The following OR2G6 variants were observed in gnomAD, a reference collection of about 807,000 sequenced individuals.
OR2G6 encodes olfactory receptor 2G6.
For synonymous variants in OR2G6, 183 were observed against 155.2 expected, an observed-to-expected ratio of 1.18 and a Z score of -1.33; for missense variants, 457 against 391.3, an observed-to-expected ratio of 1.17 and a Z score of -1.42.
At position 248,522,262 on chromosome 1, in the gene OR2G6, T is replaced by G. The variant is rs1664306757; in HGVS notation, c.616T>G (p.Phe206Val). ...EAELFVASVV[F>V]LIVPVLLILV... ...AGAACTCTTTGTGGCCAGTGTAGTC[T>G]TTCTAATTGTCCCGGTGTTACTCAT... The change falls in exon 2 of 2, where the codon TTT (phenylalanine) becomes GTT (valine). Residue 206 changes from phenylalanine (F) to valine (V), a missense_variant. Phe to Val is a conservative substitution (Grantham distance 50). Coordinates refer to ENST00000641804, the MANE Select transcript of OR2G6 (RefSeq NM_001013355.2). 1 of 1,614,144 alleles carries G rather than the reference T, an allele frequency of 6.2e-7. No individual in the cohort carries two copies. Among genetic ancestry groups the G allele is most frequent in the Non-Finnish European group, 8.5e-7 (1 of 1,180,008 alleles).
chr1:248,525,491 TAATG>T lies in OR2G6; in HGVS notation c.*2898_*2901del, dbSNP rs1355068621. 1 of 151,956 alleles carries T rather than the reference TAATG, an allele frequency of 6.6e-6. No homozygotes were observed. Among genetic ancestry groups the T allele is most frequent in the Admixed American group, 6.6e-5 (1 of 15,242 alleles). 9.4% of individuals were successfully genotyped at this position (151,956 alleles called of 1,614,324 possible). A position where few individuals can be genotyped will look rare whatever the true frequency, so the allele number is the denominator to read the frequency against. On this transcript the variant is annotated 3_prime_UTR_variant, in exon 2 of 2. Coordinates refer to ENST00000641804, the MANE Select transcript of OR2G6 (RefSeq NM_001013355.2). Reference sequence around the variant, plus strand: ...TAAAATGATTTTACATAACAAATATTAATGAATTCATGAAAAACAAAAACCATAT... The same window carrying T: ...TAAAATGATTTTACATAACAAATATTAATTCATGAAAAACAAAAACCATAT...
rs995912576 is a variant in OR2G6 at position 248,522,642 on chromosome 1, T to G, written c.*45T>G. The G allele has an allele frequency of 2.3e-6, 3 of 1,312,090 alleles. No individual in the cohort carries two copies. Among genetic ancestry groups the G allele is most frequent in the African/African-American group, 2.9e-5 (2 of 68,028 alleles). The allele number at this position is 1,312,090 out of a possible 1,614,324, so 81.3% of individuals were successfully genotyped here. ...ACAAGGGAAACACCTCAAGGCAGAGTGAGGGTTCATCCTCCCCAGACATTC... is the reference window on the plus strand; with the variant it reads ...ACAAGGGAAACACCTCAAGGCAGAGGGAGGGTTCATCCTCCCCAGACATTC... On this transcript the variant is annotated 3_prime_UTR_variant, in exon 2 of 2. Transcript: ENST00000641804.
chr1:248,524,344 T>G lies in OR2G6; in HGVS notation c.*1747T>G, dbSNP rs896180093. On this transcript the variant is annotated 3_prime_UTR_variant, in exon 2 of 2. Transcript: ENST00000641804. ...GGGAAAAGAAGCCTGGTTAAATTTG[T>G]CTTCTAGGATATTCTTATGTGATTT... The G allele has an allele frequency of 1.3e-5, 2 of 152,230 alleles. No homozygotes were observed. Among genetic ancestry groups the G allele is most frequent in the Admixed American group, 1.3e-4 (2 of 15,284 alleles). The allele number at this position is 152,230 out of a possible 1,614,324, so 9.4% of individuals were successfully genotyped here. A position where few individuals can be genotyped will look rare whatever the true frequency, so the allele number is the denominator to read the frequency against.
Position 248,527,169 on chromosome 1 carries a change from T to TAAG in OR2G6, c.*4573_*4575dup, listed in dbSNP as rs1204217958. 2 of 152,170 alleles carry TAAG rather than the reference T, an allele frequency of 1.3e-5. No individual in the cohort carries two copies. Among genetic ancestry groups the TAAG allele is most frequent in the African/African-American group, 4.8e-5 (2 of 41,444 alleles). The allele number at this position is 152,170 out of a possible 1,614,324, so 9.4% of individuals were successfully genotyped here. A position where few individuals can be genotyped will look rare whatever the true frequency, so the allele number is the denominator to read the frequency against. ...AATCCATCTTGAATTAATTTTTGTATAAGGTGTAAGGAAGGGATCCAGTTT... is the reference window on the plus strand; with the variant it reads ...AATCCATCTTGAATTAATTTTTGTATAAGAAGGTGTAAGGAAGGGATCCAGTTT... On this transcript the variant is annotated 3_prime_UTR_variant, in exon 2 of 2. Coordinates refer to ENST00000641804, the MANE Select transcript of OR2G6 (RefSeq NM_001013355.2).
At chr1:248,520,631 G>C (rs1490239641) in intron 1 of OR2G6, among the ~76,000 whole-genome samples, 1 of 152,050 alleles carries the variant, frequency 6.6e-6, no homozygotes, top group Non-Finnish European at 1.5e-5. Flanking sequence ...CCAGCACTTT[G>C]GGAGGCTGAG....
intron 1 of OR2G6, among the ~76,000 whole-genome samples, chr1:248,520,320 T>C (rs1664256681): frequency 6.6e-6 from 1 of 152,120 alleles, no homozygotes; most frequent in Non-Finnish European, 1.5e-5. Context: ...GAGAAATACC[T>C]AACATAGATG....
chr1:248,521,886 G>C lies in OR2G6; in HGVS notation c.240G>C (p.Gln80His). ...DICFTTSVAP[Q>H]LLVTMNKKDK... ...GCTTTACCACCAGTGTTGCCCCACA[G>C]TTGCTGGTTACCATGAATAAGAAAG... The change falls in exon 2 of 2, where the codon CAG (glutamine) becomes CAC (histidine). Residue 80 changes from glutamine to histidine, a missense_variant. Physicochemically the swap from Gln to His is conservative, Grantham distance 24. Transcript: ENST00000641804. The C allele has an allele frequency of 5.0e-6, 8 of 1,614,142 alleles. No individual in the cohort carries two copies. Among genetic ancestry groups the C allele is most frequent in the Non-Finnish European group, 6.8e-6 (8 of 1,180,022 alleles).
Position 248,522,506 on chromosome 1 carries a change from C to T in OR2G6, c.860C>T (p.Pro287Leu), listed in dbSNP as rs1572068376. 1 of 1,613,906 alleles carries T rather than the reference C, an allele frequency of 6.2e-7. No individual in the cohort carries two copies. Among genetic ancestry groups the T allele is most frequent in the African/African-American group, 1.3e-5 (1 of 74,844 alleles). ...ACCATAGTCACCCCACTTTTAAACCCCATTATCTACACTCTGAGAAACAAA... is the reference window on the plus strand; with the variant it reads ...ACCATAGTCACCCCACTTTTAAACCTCATTATCTACACTCTGAGAAACAAA... The part of the protein sequence containing the change: ...FYTIVTPLLN[P>L]IIYTLRNKDV... Residue 287 changes from proline to leucine, a missense_variant, in exon 2 of 2, where the codon CCC becomes CTC. By Grantham distance (98) the Pro-to-Leu change is moderately conservative. Coordinates refer to ENST00000641804, the MANE Select transcript of OR2G6 (RefSeq NM_001013355.2).
chr1:248,519,567 G>A (rs990311940), intron 1 of OR2G6, among the ~76,000 whole-genome samples: 2 of 152,124 alleles, frequency 1.3e-5, no homozygotes, highest in East Asian at 3.9e-4. Context: ...AGTTTTCCCA[G>A]CACCATTTAT....
Position 248,524,004 on chromosome 1 carries a change from G to A in OR2G6, c.*1407G>A, listed in dbSNP as rs749736990. 4 of 152,202 alleles carry A rather than the reference G, an allele frequency of 2.6e-5. No homozygotes were observed. Among genetic ancestry groups the A allele is most frequent in the Non-Finnish European group, 5.9e-5 (4 of 68,108 alleles). The allele number at this position is 152,202 out of a possible 1,614,324, so 9.4% of individuals were successfully genotyped here. Reference sequence around the variant, plus strand: ...GGCTGGAGTGCAGTGGCTCAATCATGGCTCACTGCAGCCTTGACCTCCTGG... The same window carrying A: ...GGCTGGAGTGCAGTGGCTCAATCATAGCTCACTGCAGCCTTGACCTCCTGG... On this transcript the variant is annotated 3_prime_UTR_variant, in exon 2 of 2. Transcript: ENST00000641804.
At chr1:248,521,361 AAG>A (rs1664282057) in intron 1 of OR2G6, among the ~76,000 whole-genome samples, 1 of 152,216 alleles carries the variant, frequency 6.6e-6, no homozygotes, top group Non-Finnish European at 1.5e-5. Context: ...AGAATAAGCA[AAG>A]AGTGAATAAA....
Position 248,527,264 on chromosome 1 carries a change from CTTGTT to C in OR2G6, c.*4672_*4676del, listed in dbSNP as rs1453270537. 6.6e-6 allele frequency: 1 copy of C among 152,130 alleles called. No homozygotes were observed. The highest frequency in any genetic ancestry group is 1.5e-5 in the Non-Finnish European group (1 of 68,042). The allele number at this position is 152,130 out of a possible 1,614,324, so 9.4% of individuals were successfully genotyped here. The stretch of plus-strand genomic sequence containing the variant: ...TAAATAGGGAATCCTTTCCCTATTT[CTTGTT>C]TTGTCAGGTTTGTCAAAGATCAGAT... On this transcript the variant is annotated 3_prime_UTR_variant, in exon 2 of 2. Coordinates refer to ENST00000641804, the MANE Select transcript of OR2G6 (RefSeq NM_001013355.2).
In OR2G6 at chr1:248,525,072, TGTG is replaced by T. The variant is rs1334268619; in HGVS notation, c.*2476_*2478del. 1 of 152,168 alleles carries T rather than the reference TGTG, an allele frequency of 6.6e-6. No homozygotes were observed. Among genetic ancestry groups the T allele is most frequent in the Admixed American group, 6.5e-5 (1 of 15,274 alleles). 9.4% of individuals were successfully genotyped at this position (152,168 alleles called of 1,614,324 possible). A position where few individuals can be genotyped will look rare whatever the true frequency, so the allele number is the denominator to read the frequency against. On this transcript the variant is annotated 3_prime_UTR_variant, in exon 2 of 2. Coordinates refer to ENST00000641804, the MANE Select transcript of OR2G6 (RefSeq NM_001013355.2). Reference sequence around the variant, plus strand: ...AATTTCATACTATTTTTATTTATAATGTGAGCATTTTTCTGATTAATCTAAAAA... The same window carrying T: ...AATTTCATACTATTTTTATTTATAATAGCATTTTTCTGATTAATCTAAAAA...
Position 248,523,100 on chromosome 1 carries a change from G to GGCGAC in OR2G6, c.*503_*504insGCGAC. 1 of 154,972 alleles carries GGCGAC rather than the reference G, an allele frequency of 6.5e-6. No individual in the cohort carries two copies. Among genetic ancestry groups the GGCGAC allele is most frequent in the Admixed American group, 6.3e-5 (1 of 15,890 alleles). The allele number at this position is 154,972 out of a possible 1,614,324, so 9.6% of individuals were successfully genotyped here. On this transcript the variant is annotated 3_prime_UTR_variant, in exon 2 of 2. Coordinates refer to ENST00000641804, the MANE Select transcript of OR2G6 (RefSeq NM_001013355.2). Reference sequence around the variant, plus strand: ...AACTGTTTCATAATATGTTTCCATAGCACTTGATCCACACTACCATTTCTA... The same window carrying GGCGAC: ...AACTGTTTCATAATATGTTTCCATAGGCGACCACTTGATCCACACTACCATTTCTA...
intron 1 of OR2G6, among the ~76,000 whole-genome samples, chr1:248,520,679 C>G (rs1391945736): frequency 6.6e-6 from 1 of 151,752 alleles, no homozygotes; most frequent in Non-Finnish European, 1.5e-5. Flanking sequence ...TCAAGAGCAC[C>G]CTAGCCAACA....
At chr1:248,521,169 A>ACAGAGATC in intron 1 of OR2G6, among the ~76,000 whole-genome samples, 1 of 151,980 alleles carries the variant, frequency 6.6e-6, no homozygotes, top group South Asian at 2.1e-4. Context: ...GTTGAAGGGA[A>ACAGAGATC]CAGAGATCAC....
intron 1 of OR2G6, among the ~76,000 whole-genome samples, chr1:248,519,354 C>A (rs1446108864): frequency 6.9e-6 from 1 of 145,954 alleles, no homozygotes; most frequent in Non-Finnish European, 1.5e-5. Context: ...CATTTGTCAA[C>A]TTTGGCTTTT....
rs1266337775 is a variant in OR2G6, at chr1:248,523,424, TAA to T, written c.*830_*831del. 6.6e-6 allele frequency: 1 copy of T among 152,194 alleles called. No homozygotes were observed. The highest frequency in any genetic ancestry group is 2.4e-5 in the African/African-American group (1 of 41,456). 9.4% of individuals were successfully genotyped at this position (152,194 alleles called of 1,614,324 possible). A position where few individuals can be genotyped will look rare whatever the true frequency, so the allele number is the denominator to read the frequency against. ...AAAGTTGAGTAAAATTGCCATATAC[TAA>T]AATGTGTTTTAACATTTATACAAAA... On this transcript the variant is annotated 3_prime_UTR_variant, in exon 2 of 2. Transcript: ENST00000641804.
rs913134652 is a variant in OR2G6 at position 248,525,420 on chromosome 1, C to T, written c.*2823C>T. 6.6e-6 allele frequency: 1 copy of T among 151,844 alleles called. No homozygotes were observed. Among genetic ancestry groups the T allele is most frequent in the African/African-American group, 2.4e-5 (1 of 41,294 alleles). 9.4% of individuals were successfully genotyped at this position (151,844 alleles called of 1,614,324 possible). A position where few individuals can be genotyped will look rare whatever the true frequency, so the allele number is the denominator to read the frequency against. Reference sequence around the variant, plus strand: ...CTGTAATAAGTATATGGTTCCACCACTCCAAACACCATGAATTTTTTTTAA... The same window carrying T: ...CTGTAATAAGTATATGGTTCCACCATTCCAAACACCATGAATTTTTTTTAA... On this transcript the variant is annotated 3_prime_UTR_variant, in exon 2 of 2. Transcript: ENST00000641804.
Sources: gnomAD v4.1 joint callset for allele counts (sites outside exome capture counted in the v4.1 genomes callset) on GRCh38, gnomAD v4.1.1 for gene constraint, MANE v1.5 for transcripts, NCBI Gene and HGNC (gene_info 2026-07-23, HGNC 2026-07-21) for gene names.